Variants in HS2ST1 observed in about 807,000 individuals in gnomAD.
HS2ST1 encodes the protein heparan sulfate 2-O-sulfotransferase 1.
In HS2ST1, 18 loss-of-function variants were observed where a neutral mutation model predicts 42.9. The observed-to-expected ratio is 0.42, with a 90% CI of 0.29 to 0.62. HS2ST1 has a LOEUF of 0.62. Among genes scored for constraint, HS2ST1 ranks in the 20% least tolerant of loss-of-function variants. The pLI is 0.21. For missense variants in HS2ST1, 334 were observed against 433.8 expected, an observed-to-expected ratio of 0.77 and a Z score of 2.04; for synonymous variants, 146 against 152.9, an observed-to-expected ratio of 0.95 and a Z score of 0.33.
chr1:86,998,036 T>G (rs1218284833), intron 1 of HS2ST1, among the ~76,000 whole-genome samples: 1 of 152,222 alleles, frequency 6.6e-6, no homozygotes, highest in Non-Finnish European at 1.5e-5. Context: ...CAATATATGA[T>G]TCTTACTAAC....
At chr1:87,054,805 G>T (rs1650920504) in intron 1 of HS2ST1, among the ~76,000 whole-genome samples, 1 of 152,168 alleles carries the variant, frequency 6.6e-6, no homozygotes, top group Non-Finnish European at 1.5e-5. Flanking sequence ...AAGAGGAAAG[G>T]AGCATAATTC....
At chr1:86,938,669 C>T (rs879660798) in intron 1 of HS2ST1, among the ~76,000 whole-genome samples, 3 of 152,068 alleles carry the variant, frequency 2.0e-5, no homozygotes, top group Non-Finnish European at 4.4e-5. Context: ...GGCAGGTGTT[C>T]AGAGATTTTT....
At chr1:86,940,034 A>C (rs141187307) in intron 1 of HS2ST1, among the ~76,000 whole-genome samples, 116 of 152,326 alleles carry the variant, frequency 7.6e-4, no homozygotes, top group African/African-American at 2.5e-3. Context: ...TTGTAAATCC[A>C]CAGTGTGCCT....
At chr1:86,929,260 A>G (rs533248489) in intron 1 of HS2ST1, among the ~76,000 whole-genome samples, 5 of 151,964 alleles carry the variant, frequency 3.3e-5, no homozygotes, top group African/African-American at 9.6e-5. Flanking sequence ...AAGGTTTAAT[A>G]TAGTCTACAG....
chr1:87,007,769 C>G (rs923078549), intron 1 of HS2ST1, among the ~76,000 whole-genome samples: 1 of 152,138 alleles, frequency 6.6e-6, no homozygotes, highest in African/African-American at 2.4e-5. Context: ...CATTTCAATG[C>G]TTGTGTCCTT....
intron 1 of HS2ST1, among the ~76,000 whole-genome samples, chr1:87,018,619 GA>G (rs1649832663): frequency 6.6e-6 from 1 of 152,204 alleles, no homozygotes; most frequent in South Asian, 2.1e-4. Flanking sequence ...CTAAAGGACA[GA>G]TTTCCAGCAA....
chr1:86,977,675 C>T (rs1027825060), intron 1 of HS2ST1, among the ~76,000 whole-genome samples: 32 of 152,160 alleles, frequency 2.1e-4, no homozygotes, highest in African/African-American at 7.5e-4. Flanking sequence ...AACCTCAAGC[C>T]CAAGAGAAAG....
intron 1 of HS2ST1, among the ~76,000 whole-genome samples, chr1:86,939,019 T>G (rs2102173421): frequency 6.6e-6 from 1 of 152,336 alleles, no homozygotes; most frequent in East Asian, 1.9e-4. Flanking sequence ...AGTGTTGTTT[T>G]TTTTAGAAAT....
chr1:87,062,694 T>C (rs1048335765), intron 1 of HS2ST1, among the ~76,000 whole-genome samples: 1 of 152,218 alleles, frequency 6.6e-6, no homozygotes, highest in Admixed American at 6.5e-5. Flanking sequence ...TTTGTTTATT[T>C]ATAGAGTTTT....
intron 4 of HS2ST1, among the ~76,000 whole-genome samples, chr1:87,094,416 G>A (rs188248325): frequency 6.4e-4 from 98 of 152,168 alleles, no homozygotes; most frequent in African/African-American, 2.2e-3. Context: ...TATTTTATAT[G>A]TATTTTTTCA....
Position 87,030,204 on chromosome 1 carries a change from A to G in HS2ST1, c.125-42730A>G, listed in dbSNP as rs115871472. Among the ~76,000 whole-genome samples, 1,043 of 152,284 alleles carry G rather than the reference A, an allele frequency of 6.8e-3. 18 individuals are homozygous for G. Among genetic ancestry groups the G allele is most frequent in the African/African-American group, 0.024 (1,010 of 41,558 alleles). ...GCGTTAAATTAGGAGAAAAAGATAT[A>G]CAAGTTCATTTGGCTTTTATGTGCA... is the stretch of plus-strand genomic sequence containing the variant. On this transcript the variant is annotated intron_variant, in intron 1 of 6. Coordinates refer to ENST00000370550, the MANE Select transcript of HS2ST1 (RefSeq NM_012262.4).
intron 1 of HS2ST1, among the ~76,000 whole-genome samples, chr1:87,015,653 A>G (rs1282460776): frequency 1.3e-5 from 2 of 149,878 alleles, no homozygotes; most frequent in Non-Finnish European, 3.0e-5. Context: ...AAGCCCTGTT[A>G]TTTTTTATGT....
chr1:86,982,103 C>G (rs1257479545), intron 1 of HS2ST1, among the ~76,000 whole-genome samples: 1 of 152,260 alleles, frequency 6.6e-6, no homozygotes, highest in African/African-American at 2.4e-5. Context: ...CCCTCTGAAG[C>G]AACGGCCTAA....
intron 6 of HS2ST1, 99 bp from the exon 7 acceptor site, chr1:87,104,371 T>G (rs986071315): frequency 1.4e-6 from 1 of 738,422 alleles, no homozygotes. Context: ...CTGTTCTTAA[T>G]GTGTCATATT....
chr1:86,922,635 G>T (rs1660324319), intron 1 of HS2ST1, among the ~76,000 whole-genome samples: 1 of 152,058 alleles, frequency 6.6e-6, no homozygotes, highest in African/African-American at 2.4e-5. Context: ...TGTTGTTTCA[G>T]TACTTTAAAG....
At chr1:86,960,124 T>C (rs545317687) in intron 1 of HS2ST1, among the ~76,000 whole-genome samples, 1 of 150,500 alleles carries the variant, frequency 6.6e-6, no homozygotes, top group East Asian at 2.0e-4. Flanking sequence ...ACCACGAATA[T>C]AGTAAATTGA....
At chr1:87,056,470 T>G (rs1340673151) in intron 1 of HS2ST1, among the ~76,000 whole-genome samples, 1 of 152,208 alleles carries the variant, frequency 6.6e-6, no homozygotes, top group African/African-American at 2.4e-5. Context: ...AACACTGTTT[T>G]TACTTGAAAG....
intron 1 of HS2ST1, among the ~76,000 whole-genome samples, chr1:86,997,313 T>A (rs531568921): frequency 2.0e-5 from 3 of 152,280 alleles, no homozygotes; most frequent in Non-Finnish European, 4.4e-5. Context: ...CAGGGCAGGA[T>A]TTCTGGAAAC....
At chr1:87,073,477 C>A (rs960398679) in intron 2 of HS2ST1, among the ~76,000 whole-genome samples, 3 of 152,116 alleles carry the variant, frequency 2.0e-5, no homozygotes, top group Admixed American at 2.0e-4. Flanking sequence ...TGGCATGATA[C>A]CCTGCAATAA....
Sources: gnomAD v4.1 joint callset for allele counts (sites outside exome capture counted in the v4.1 genomes callset) on GRCh38, gnomAD v4.1.1 for gene constraint, MANE v1.5 for transcripts, NCBI Gene and HGNC (gene_info 2026-07-23, HGNC 2026-07-21) for gene names.